The following RARB variants were observed in gnomAD, a reference collection of about 807,000 sequenced individuals.
The protein encoded by RARB is retinoic acid receptor beta.
A neutral mutation model predicts 51.9 loss-of-function variants in RARB; 17 were observed. That is an observed-to-expected ratio of 0.33 (90% CI 0.22 to 0.49). RARB has a LOEUF of 0.49. Ranked by LOEUF, RARB falls within the 20% of genes least tolerant of loss-of-function variation. The probability of loss-of-function intolerance (pLI) is 0.99; values close to 1 mark genes in which losing one functional copy is unlikely to be tolerated. For missense variants in RARB, 369 were observed against 550.8 expected (o/e 0.67, Z 3.30); for synonymous variants, 215 against 195.4 (o/e 1.10, Z -0.84).
chr3:25,435,914 G>A (rs933631207), intron 1 of RARB, among the ~76,000 whole-genome samples: 15 of 152,046 alleles, frequency 9.9e-5, no homozygotes, highest in East Asian at 7.7e-4. Context: ...CTAAAATACC[G>A]TTGTTGCCAT....
intron 2 of RARB, among the ~76,000 whole-genome samples, chr3:24,992,631 A>C (rs537880345): frequency 4.0e-4 from 61 of 152,310 alleles, no homozygotes; most frequent in Middle Eastern, 3.4e-3. Context: ...GTCCAAGGTC[A>C]AAATCCAGCA....
At chr3:24,957,400 C>T in intron 2 of RARB, among the ~76,000 whole-genome samples, 1 of 152,106 alleles carries the variant, frequency 6.6e-6, no homozygotes, top group Non-Finnish European at 1.5e-5. Flanking sequence ...ACTTGGAACC[C>T]TAGCTGACGA....
At chr3:25,328,836 T>G (rs963609895) in intron 5 of RARB, among the ~76,000 whole-genome samples, 3 of 152,172 alleles carry the variant, frequency 2.0e-5, no homozygotes, top group Non-Finnish European at 2.9e-5. Context: ...AATACTGTGC[T>G]TTTCCAATGG....
intron 1 of RARB, among the ~76,000 whole-genome samples, chr3:24,830,619 G>A (rs1037476520): frequency 2.7e-5 from 4 of 149,348 alleles, no homozygotes; most frequent in Non-Finnish European, 5.9e-5. Flanking sequence ...CAGACAAAAG[G>A]GTGCATTTGG....
chr3:25,444,693 A>T (rs1325144521), intron 1 of RARB, among the ~76,000 whole-genome samples: 2 of 152,228 alleles, frequency 1.3e-5, no homozygotes, highest in East Asian at 3.9e-4. Flanking sequence ...GATTCAATGT[A>T]TCTCCTGTAG....
chr3:25,553,435 C>T (rs1699926330), intron 3 of RARB, among the ~76,000 whole-genome samples: 1 of 152,172 alleles, frequency 6.6e-6, no homozygotes, highest in African/African-American at 2.4e-5. Context: ...GTGAGGATCC[C>T]TTTCTGACCA....
chr3:25,583,464 G>A (rs1701264321), intron 5 of RARB, among the ~76,000 whole-genome samples: 1 of 152,248 alleles, frequency 6.6e-6, no homozygotes, highest in Non-Finnish European at 1.5e-5. Flanking sequence ...CGTGTCTCGT[G>A]TTGTGTGTGG....
At chr3:25,137,615 G>T (rs534899011) in intron 4 of RARB, among the ~76,000 whole-genome samples, 1 of 152,138 alleles carries the variant, frequency 6.6e-6, no homozygotes, top group East Asian at 1.9e-4. Flanking sequence ...CACTCTTATT[G>T]AATTTAACTG....
intron 2 of RARB, among the ~76,000 whole-genome samples, chr3:25,465,197 G>T (rs941987249): frequency 6.6e-6 from 1 of 152,174 alleles, no homozygotes; most frequent in African/African-American, 2.4e-5. Flanking sequence ...CTTTCGGAAA[G>T]TATCTATTAT....
intron 5 of RARB, among the ~76,000 whole-genome samples, chr3:25,320,605 T>G (rs1393387996): frequency 6.6e-6 from 1 of 152,226 alleles, no homozygotes; most frequent in Non-Finnish European, 1.5e-5. Flanking sequence ...TTTACTTTAT[T>G]ATTGCTTCTA....
chr3:25,438,223 A>G (rs1486267216), intron 1 of RARB, among the ~76,000 whole-genome samples: 1 of 152,184 alleles, frequency 6.6e-6, no homozygotes, highest in Non-Finnish European at 1.5e-5. Flanking sequence ...TGAACCTTCC[A>G]GGAAGGAGGC....
At chr3:25,355,516 T>C (rs1378097341) in intron 5 of RARB, among the ~76,000 whole-genome samples, 2 of 152,088 alleles carry the variant, frequency 1.3e-5, no homozygotes, top group Admixed American at 6.6e-5. Context: ...TGTTTGTTTG[T>C]TTATTTGTCA....
chr3:25,021,769 A>G (rs1207720667), intron 2 of RARB, among the ~76,000 whole-genome samples: 1 of 152,144 alleles, frequency 6.6e-6, no homozygotes, highest in Non-Finnish European at 1.5e-5. Flanking sequence ...CCAAAGAAAC[A>G]GTGTTGGCCA....
At chr3:25,059,990 G>A (rs1273574781) in intron 2 of RARB, 4 of 151,638 alleles carry the variant, frequency 2.6e-5, no homozygotes, top group Non-Finnish European at 5.9e-5. Flanking sequence ...TGGGATCCCT[G>A]GCAAGCATCT....
chr3:25,175,592 T>A (rs1331222015), intron 5 of RARB, among the ~76,000 whole-genome samples: 2 of 152,196 alleles, frequency 1.3e-5, no homozygotes, highest in Non-Finnish European at 1.5e-5. Context: ...CTAAGTAGAA[T>A]CCCCGGTACA....
intron 2 of RARB, among the ~76,000 whole-genome samples, chr3:25,485,487 A>T (rs1482149877): frequency 6.6e-6 from 1 of 152,198 alleles, no homozygotes; most frequent in Non-Finnish European, 1.5e-5. Flanking sequence ...GCCAATGTGC[A>T]ACAGCAAATA....
intron 5 of RARB, among the ~76,000 whole-genome samples, chr3:25,232,244 A>C (rs901962555): frequency 6.6e-6 from 1 of 152,116 alleles, no homozygotes; most frequent in Non-Finnish European, 1.5e-5. Flanking sequence ...ATAGCTTATG[A>C]GTCTTGAAAT....
At chr3:25,413,809 G>T (rs1036886214) in intron 5 of RARB, among the ~76,000 whole-genome samples, 3 of 152,092 alleles carry the variant, frequency 2.0e-5, no homozygotes, top group Non-Finnish European at 4.4e-5. Context: ...ACACTGGCAT[G>T]GTCTGCATTT....
At chr3:25,438,465 G>A (rs981877963) in intron 1 of RARB, among the ~76,000 whole-genome samples, 2 of 152,140 alleles carry the variant, frequency 1.3e-5, no homozygotes, top group African/African-American at 4.8e-5. Flanking sequence ...ACAGTTGTGG[G>A]GCTTTTAGTT....
Sources: allele counts gnomAD v4.1 joint callset (sites outside exome capture counted in the v4.1 genomes callset), GRCh38; gene constraint gnomAD v4.1.1; transcripts MANE v1.5; gene names NCBI Gene and HGNC (gene_info 2026-07-23, HGNC 2026-07-21).